Variants in SLC35A5 observed in about 807,000 individuals in gnomAD.
The protein encoded by SLC35A5 is solute carrier family 35 member A5, also known as UDP-sugar transporter protein SLC35A5.
In SLC35A5, 28 loss-of-function variants were observed where a neutral mutation model predicts 36.3. The ratio of observed to expected loss-of-function variants is 0.77; its 90% CI spans 0.57 to 1.06. SLC35A5 has a LOEUF of 1.06. Ranked by LOEUF, SLC35A5 falls within the 50% of genes least tolerant of loss-of-function variation. SLC35A5 has a pLI of 0.00. For synonymous variants in SLC35A5, 180 were observed against 173.7 expected (o/e 1.04, Z -0.29); for missense variants, 521 against 499.3 (o/e 1.04, Z -0.41).
intron 1 of SLC35A5, 44 bp from the exon 2 acceptor site, chr3:112,563,341 G>C (rs898784553): frequency 1.4e-6 from 2 of 1,393,454 alleles, no homozygotes; most frequent in Admixed American, 4.8e-5. Context: ...TTGCGTTTAG[G>C]GTCTGCCAAC....
In SLC35A5 at chr3:112,580,893, A is replaced by T. The variant is rs748226940; in HGVS notation, c.776A>T (p.Gln259Leu). The change falls in exon 6 of 7, where the codon CAG becomes CTG. Residue 259 changes from glutamine to leucine, a missense_variant. Coordinates refer to ENST00000492406, the MANE Select transcript of SLC35A5 (RefSeq NM_017945.5). ...GAAAAGATACTGAAGGAAGGGAACC[A>T]GCTCACTGAAAGCATCTTCATACAG... ...YNEKILKEGN[Q>L]LTESIFIQNS... 6.2e-7 allele frequency: 1 copy of T among 1,614,172 alleles called. No individual in the cohort carries two copies. Among genetic ancestry groups the T allele is most frequent in the South Asian group, 1.1e-5 (1 of 91,084 alleles).
At position 112,564,542 on chromosome 3, in the gene SLC35A5, A is replaced by G. The variant is rs369713621; in HGVS notation, c.130+1009A>G. ...CGAGACATTCCATTGCCCAGGGACG[A>G]GCAGGAGACAGATGCCTTCCTCTTG... On this transcript the variant is annotated intron_variant, in intron 2 of 6. Coordinates refer to ENST00000492406, the MANE Select transcript of SLC35A5 (RefSeq NM_017945.5). 1.1e-4 allele frequency among the ~76,000 whole-genome samples: 16 copies of G among 152,234 alleles called. 1 individual carries two copies. The East Asian group carries it at 1.5e-3, about 15-fold the overall frequency.
At chr3:112,568,792 T>C (rs1451192273) in intron 2 of SLC35A5, among the ~76,000 whole-genome samples, 3 of 152,222 alleles carry the variant, frequency 2.0e-5, no homozygotes, top group African/African-American at 7.2e-5. Context: ...ATGAGCTGAG[T>C]AATAATTCAG....
At chr3:112,574,854 T>C (rs1422693054) in intron 5 of SLC35A5, among the ~76,000 whole-genome samples, 1 of 152,104 alleles carries the variant, frequency 6.6e-6, no homozygotes, top group Non-Finnish European at 1.5e-5. Context: ...TCTTTTACCC[T>C]GAGGAAACAT....
chr3:112,567,183 G>A (rs1934234626), intron 2 of SLC35A5, among the ~76,000 whole-genome samples: 1 of 151,264 alleles, frequency 6.6e-6, no homozygotes, highest in Non-Finnish European at 1.5e-5. Flanking sequence ...CTGAGATCAC[G>A]CCATTGCACT....
At chr3:112,578,351 C>A (rs1934754987) in intron 5 of SLC35A5, among the ~76,000 whole-genome samples, 1 of 152,182 alleles carries the variant, frequency 6.6e-6, no homozygotes, top group African/African-American at 2.4e-5. Flanking sequence ...GTGAGGTCAC[C>A]TGGCAAAAAC....
intron 4 of SLC35A5, among the ~76,000 whole-genome samples, chr3:112,571,445 A>G (rs1934433677): frequency 6.6e-6 from 1 of 152,252 alleles, no homozygotes; most frequent in Non-Finnish European, 1.5e-5. Flanking sequence ...GATTATAAAT[A>G]GGATTTCTAT....
In SLC35A5 at chr3:112,583,181, CTAGAGA is replaced by C. The variant is rs901739277; in HGVS notation, c.*449_*454del. 9 of 398,052 alleles carry C rather than the reference CTAGAGA, an allele frequency of 2.3e-5. No homozygotes were observed. Among genetic ancestry groups the C allele is most frequent in the African/African-American group, 1.9e-4 (9 of 48,524 alleles). 24.7% of individuals were successfully genotyped at this position (398,052 alleles called of 1,614,324 possible). A position where few individuals can be genotyped will look rare whatever the true frequency, so the allele number is the denominator to read the frequency against. On this transcript the variant is annotated 3_prime_UTR_variant, in exon 7 of 7. Coordinates refer to ENST00000492406, the MANE Select transcript of SLC35A5 (RefSeq NM_017945.5). ...AGGTTGTCTCTTGAATTTTGAGGCC[CTAGAGA>C]TAGTCATTTTGCAAGTAAAGAGCAA...
At chr3:112,568,073 G>T (rs1023177474) in intron 2 of SLC35A5, among the ~76,000 whole-genome samples, 1 of 152,204 alleles carries the variant, frequency 6.6e-6, no homozygotes, top group Non-Finnish European at 1.5e-5. Context: ...GTATATGAAC[G>T]TGACAAACAT....
At chr3:112,561,683 C>A, upstream of SLC35A5, 1 of 702,682 alleles carries the variant, frequency 1.4e-6, no homozygotes, top group Non-Finnish European at 2.3e-6. Context: ...ACGGGACGGG[C>A]GGGACGAGGG....
At chr3:112,570,864 T>C (rs1007746091) in intron 4 of SLC35A5, among the ~76,000 whole-genome samples, 194 bp downstream of exon 4, 3 of 152,262 alleles carry the variant, frequency 2.0e-5, no homozygotes, top group Non-Finnish European at 2.9e-5. Flanking sequence ...TGGTCAAGAT[T>C]ACTGTATTAA....
At chr3:112,581,391 G>A in intron 6 of SLC35A5, 65 bp downstream of exon 6, 3 of 1,472,696 alleles carry the variant, frequency 2.0e-6, no homozygotes, top group Non-Finnish European at 2.7e-6. Context: ...TTAATTCAAG[G>A]AAAAAAATAA....
intron 3 of SLC35A5, 177 bp from the exon 4 acceptor site, chr3:112,570,363 A>C (rs1422772727): frequency 1.8e-6 from 1 of 560,510 alleles, no homozygotes; most frequent in South Asian, 2.6e-5. Flanking sequence ...CAGTAGTCCT[A>C]AGGTTGTTGC....
At chr3:112,579,703 T>C (rs568796702) in intron 5 of SLC35A5, among the ~76,000 whole-genome samples, 1 of 152,300 alleles carries the variant, frequency 6.6e-6, no homozygotes, top group South Asian at 2.1e-4. Context: ...ACTCCACTTG[T>C]CCCATTAATC....
intron 2 of SLC35A5, among the ~76,000 whole-genome samples, chr3:112,567,664 G>A (rs149115869): frequency 6.6e-6 from 1 of 152,336 alleles, no homozygotes; most frequent in East Asian, 1.9e-4. Flanking sequence ...CCCTTCCTCT[G>A]GGGCTGAAGG....
At chr3:112,577,676 A>C (rs1934731684) in intron 5 of SLC35A5, among the ~76,000 whole-genome samples, 1 of 152,246 alleles carries the variant, frequency 6.6e-6, no homozygotes, top group Admixed American at 6.5e-5. Flanking sequence ...GTATGGAAAA[A>C]AATTATTTAA....
chr3:112,574,408 AGT>A (rs1934582666), intron 5 of SLC35A5, among the ~76,000 whole-genome samples: 1 of 152,146 alleles, frequency 6.6e-6, no homozygotes, highest in Non-Finnish European at 1.5e-5. Flanking sequence ...TAATTAGCAG[AGT>A]GTGTGAAGAA....
chr3:112,563,352 A>C, intron 1 of SLC35A5, 33 bp from the exon 2 acceptor site: 1 of 1,411,032 alleles, frequency 7.1e-7, no homozygotes. Flanking sequence ...GTCTGCCAAC[A>C]AGGTCGTTCA....
chr3:112,580,815 A>G lies in SLC35A5; in HGVS notation c.698A>G (p.His233Arg). 1.9e-6 allele frequency: 3 copies of G among 1,614,212 alleles called. No homozygotes were observed. The highest frequency in any genetic ancestry group is 1.1e-5 in the South Asian group (1 of 91,084). ...AGTCACATCCGTCTTGGCATGGGCC[A>G]TGTTCTTATTATAGTCCAGTGTTTT... ...VFSHIRLGMG[H>R]VLIIVQCFIS... Residue 233 changes from histidine (H) to arginine (R), a missense_variant, in exon 6 of 7, where the codon CAT (histidine) becomes CGT (arginine). His to Arg is a conservative substitution (Grantham distance 29). Transcript: ENST00000492406.
Sources: gnomAD v4.1 joint callset for allele counts (sites outside exome capture counted in the v4.1 genomes callset) on GRCh38, gnomAD v4.1.1 for gene constraint, MANE v1.5 for transcripts, NCBI Gene and HGNC (gene_info 2026-07-23, HGNC 2026-07-21) for gene names.